Variants in WASHC5 observed in about 807,000 individuals in gnomAD.
WASHC5 encodes the protein WASH complex subunit strumpellin.
Under a neutral mutation model 150.4 loss-of-function variants are expected in WASHC5, and 101 were observed. The ratio of observed to expected loss-of-function variants is 0.67; its 90% CI spans 0.57 to 0.79. The LOEUF is 0.79. Among genes scored for constraint, WASHC5 ranks in the 30% least tolerant of loss-of-function variants. The pLI is 0.00. For missense variants in WASHC5, 1,195 were observed against 1,396.3 expected, an observed-to-expected ratio of 0.86 and a Z score of 2.30; for synonymous variants, 467 against 491.2, an observed-to-expected ratio of 0.95 and a Z score of 0.65.
chr8:125,062,840 A>C (rs758885547), intron 11 of WASHC5, among the ~76,000 whole-genome samples: 7 of 152,230 alleles, frequency 4.6e-5, no homozygotes, highest in Non-Finnish European at 4.4e-5. Context: ...GTTTGTCACC[A>C]TAAAATTCAG....
intron 23 of WASHC5, among the ~76,000 whole-genome samples, chr8:125,042,153 G>A (rs1815908839): frequency 6.6e-6 from 1 of 152,192 alleles, no homozygotes; most frequent in Non-Finnish European, 1.5e-5. Flanking sequence ...AGGAGCCTGG[G>A]ATGGATGAGA....
At chr8:125,032,099 G>T in intron 27 of WASHC5, 142 bp downstream of exon 27, 1 of 932,852 alleles carries the variant, frequency 1.1e-6, no homozygotes, top group Admixed American at 1.7e-5. Flanking sequence ...AAACAAGGAG[G>T]TATGCCCTGA....
intron 28 of WASHC5, 60 bp downstream of exon 28, chr8:125,028,560 C>T: frequency 5.7e-6 from 7 of 1,236,418 alleles, no homozygotes; most frequent in Non-Finnish European, 8.3e-6. Context: ...GAATCCAGGG[C>T]CACTATTATT....
chr8:125,039,048 A>G, intron 24 of WASHC5, 89 bp from the exon 25 acceptor site: 2 of 1,383,486 alleles, frequency 1.4e-6, no homozygotes, highest in Non-Finnish European at 2.0e-6. Context: ...AATCTTTTCA[A>G]GCCTCAGTTT....
At chr8:125,054,410 C>T (rs1330670630) in intron 17 of WASHC5, among the ~76,000 whole-genome samples, 1 of 152,170 alleles carries the variant, frequency 6.6e-6, no homozygotes, top group African/African-American at 2.4e-5. Context: ...TATGTAGGAA[C>T]AATTACCAAA....
chr8:125,061,755 G>A (rs1347635844), intron 11 of WASHC5, among the ~76,000 whole-genome samples: 2 of 152,204 alleles, frequency 1.3e-5, no homozygotes, highest in African/African-American at 4.8e-5. Context: ...ATTTCATACA[G>A]TAGAGAAAGA....
At position 125,050,622 on chromosome 8, in the gene WASHC5, A is replaced by G; in HGVS notation, c.2141T>C (p.Leu714Pro). The G allele has an allele frequency of 6.2e-7, 1 of 1,614,186 alleles. No homozygotes were observed. Among genetic ancestry groups the G allele is most frequent in the Non-Finnish European group, 8.5e-7 (1 of 1,180,022 alleles). ...QLLEDGIRKE[L>P]VKRVAFALHR... ...CAGGGCAAAGGCAACGCGCTTCACA[A>G]GCTCTTTCCTTATTCCATCTTCCAG... is the stretch of plus-strand genomic sequence containing the variant. The change falls in exon 18 of 29, where the codon CTT becomes CCT. Residue 714 changes from leucine (L) to proline (P), a missense_variant. This residue lies in a region of WASHC5 where 997 missense variants were observed against 1,168.1 expected (regional missense o/e 0.85). Coordinates refer to ENST00000318410, the MANE Select transcript of WASHC5 (RefSeq NM_014846.4).
At chr8:125,091,371 T>C (rs1817634484) in intron 1 of WASHC5, among the ~76,000 whole-genome samples, 1 of 152,040 alleles carries the variant, frequency 6.6e-6, no homozygotes, top group East Asian at 1.9e-4. Context: ...AGGATGAGAT[T>C]CGGACCAAGC....
intron 20 of WASHC5, among the ~76,000 whole-genome samples, chr8:125,046,056 A>C (rs775864803): frequency 1.2e-4 from 18 of 152,238 alleles, no homozygotes; most frequent in Non-Finnish European, 1.6e-4. Flanking sequence ...CAAGTTTCGA[A>C]GGACAAAATA....
chr8:125,076,252 T>C, intron 7 of WASHC5, 96 bp downstream of exon 7: 1 of 1,129,910 alleles, frequency 8.9e-7, no homozygotes, highest in Non-Finnish European at 1.3e-6. Context: ...TGTCCCATTA[T>C]TTACAACATT....
intron 11 of WASHC5, among the ~76,000 whole-genome samples, chr8:125,062,663 G>A (rs1191156723): frequency 6.6e-6 from 1 of 152,004 alleles, no homozygotes; most frequent in East Asian, 1.9e-4. Context: ...CAACCACTCA[G>A]CATCAAAGAA....
At chr8:125,083,288 A>T in intron 2 of WASHC5, 30 bp from the exon 3 acceptor site, 1 of 1,604,476 alleles carries the variant, frequency 6.2e-7, no homozygotes, top group Non-Finnish European at 8.5e-7. Flanking sequence ...GTGAAATGTC[A>T]ATAAAAGCAT....
chr8:125,057,133 T>A (rs1423608794), intron 15 of WASHC5, among the ~76,000 whole-genome samples: 1 of 152,252 alleles, frequency 6.6e-6, no homozygotes, highest in African/African-American at 2.4e-5. Flanking sequence ...CAGTAAATTT[T>A]GAATTCAGGC....
At chr8:125,047,896 G>C (rs979383684) in intron 19 of WASHC5, among the ~76,000 whole-genome samples, 3 of 152,068 alleles carry the variant, frequency 2.0e-5, no homozygotes, top group African/African-American at 7.2e-5. Flanking sequence ...GCCCAGGCTG[G>C]AGTGCCGTGG....
At chr8:125,032,452 A>C in intron 26 of WASHC5, 58 bp from the exon 27 acceptor site, 1 of 1,575,596 alleles carries the variant, frequency 6.3e-7, no homozygotes, top group Non-Finnish European at 8.7e-7. Flanking sequence ...AACATTCATT[A>C]AATACCAACG....
intron 26 of WASHC5, 77 bp from the exon 27 acceptor site, chr8:125,032,471 G>T: frequency 6.6e-7 from 1 of 1,507,494 alleles, no homozygotes; most frequent in Non-Finnish European, 9.2e-7. Context: ...CGCTGTGAAG[G>T]TCAAAATGTT....
Position 125,047,295 on chromosome 8 carries a change from T to A in WASHC5, c.2416A>T (p.Ile806Phe), listed in dbSNP as rs1043927421. ...ACAGGGGTAAACTTGGGTATTGGAATATGAGTGGACTGGTACATGCTTTGC... is the reference window on the plus strand; with the variant it reads ...ACAGGGGTAAACTTGGGTATTGGAAAATGAGTGGACTGGTACATGCTTTGC... ...DWQSMYQSTH[I>F]PIPKFTPVDE... The change falls in exon 20 of 29, where the codon ATT (isoleucine) becomes TTT (phenylalanine). Residue 806 changes from isoleucine to phenylalanine, a missense_variant. Coordinates refer to ENST00000318410, the MANE Select transcript of WASHC5 (RefSeq NM_014846.4). 4 of 1,613,870 alleles carry A rather than the reference T, an allele frequency of 2.5e-6. No individual in the cohort carries two copies. Among genetic ancestry groups the A allele is most frequent in the Non-Finnish European group, 3.4e-6 (4 of 1,179,868 alleles).
chr8:125,026,448 ATCTTTT>A (rs34874974), intron 28 of WASHC5, among the ~76,000 whole-genome samples: 3,826 of 152,210 alleles, frequency 0.025, 149 homozygotes, highest in African/African-American at 0.087. Context: ...AAGTCTCTAA[ATCTTTT>A]TCTTTATAGT....
intron 26 of WASHC5, 187 bp from the exon 27 acceptor site, chr8:125,032,581 T>C: frequency 1.5e-6 from 1 of 665,236 alleles, no homozygotes; most frequent in South Asian, 1.7e-5. Flanking sequence ...ATTCCAGGGG[T>C]CTGAAGGATT....
Sources: allele counts gnomAD v4.1 joint callset (sites outside exome capture counted in the v4.1 genomes callset), GRCh38; gene constraint gnomAD v4.1.1; regional missense constraint gnomAD v4.1.1; transcripts MANE v1.5; gene names NCBI Gene and HGNC (gene_info 2026-07-23, HGNC 2026-07-21).